The following PAK1 variants were observed in gnomAD, a reference collection of about 807,000 sequenced individuals.
PAK1 encodes serine/threonine-protein kinase PAK 1.
A neutral mutation model predicts 67.4 loss-of-function variants in PAK1; 29 were observed. The observed-to-expected ratio is 0.43, with a 90% CI of 0.32 to 0.59. PAK1 has a LOEUF of 0.59. PAK1 is among the 20% of genes least tolerant of loss of function. PAK1 has a pLI of 0.07. For missense variants in PAK1, 337 were observed against 670.7 expected (o/e 0.50, Z 5.50); for synonymous variants, 223 against 237.4 (o/e 0.94, Z 0.56).
rs1341392600 is a variant in PAK1 at position 77,327,303 on chromosome 11, G to A, written c.1552-3943C>T. Reference sequence around the variant, plus strand: ...AGAGAATGCCACAAAGATACTCCTCGAGAAGAGCAACTCCAAGACACATAA... The same window carrying A: ...AGAGAATGCCACAAAGATACTCCTCAAGAAGAGCAACTCCAAGACACATAA... On this transcript the variant is annotated intron_variant, in intron 14 of 14. Coordinates refer to ENST00000356341, the MANE Select transcript of PAK1 (RefSeq NM_002576.5). Among the ~76,000 whole-genome samples the A allele has an allele frequency of 1.4e-3, 215 of 152,100 alleles. 1 individual carries two copies. Among genetic ancestry groups the A allele is most frequent in the African/African-American group, 4.8e-3 (200 of 41,524 alleles).
At chr11:77,433,679 T>G (rs1955970766) in intron 1 of PAK1, among the ~76,000 whole-genome samples, 1 of 152,192 alleles carries the variant, frequency 6.6e-6, no homozygotes, top group Non-Finnish European at 1.5e-5. Context: ...CTGGAGAGGC[T>G]GAGGCAGGAG....
chr11:77,374,158 C>T (rs564724282), intron 5 of PAK1, among the ~76,000 whole-genome samples, 170 bp downstream of exon 5: 1 of 151,936 alleles, frequency 6.6e-6, no homozygotes, highest in East Asian at 1.9e-4. Flanking sequence ...AAAGGGATAC[C>T]CCCTATTTAT....
intron 1 of PAK1, among the ~76,000 whole-genome samples, chr11:77,414,436 TGGCATGTGGCCTA>T (rs1954838668): frequency 6.6e-6 from 1 of 152,258 alleles, no homozygotes; most frequent in Non-Finnish European, 1.5e-5. Context: ...TTGGTTGGTC[TGGCATGTGGCCTA>T]GGCAATATAT....
At chr11:77,465,017 T>C (rs1957533166) in intron 1 of PAK1, among the ~76,000 whole-genome samples, 1 of 148,360 alleles carries the variant, frequency 6.7e-6, no homozygotes, top group South Asian at 2.2e-4. Flanking sequence ...TGTGTGTCTG[T>C]GTGTGTGTCT....
intron 5 of PAK1, among the ~76,000 whole-genome samples, chr11:77,361,871 C>A (rs886507774): frequency 3.4e-4 from 51 of 152,200 alleles, no homozygotes; most frequent in African/African-American, 1.2e-3. Context: ...TATACCATCT[C>A]CACTGCCTTA....
chr11:77,453,236 C>T (rs771351888), intron 1 of PAK1, among the ~76,000 whole-genome samples: 71 of 152,234 alleles, frequency 4.7e-4, no homozygotes, highest in South Asian at 8.3e-4. Flanking sequence ...CGCCTATAGT[C>T]CCAGCTACTC....
At chr11:77,427,136 T>G (rs764867165) in intron 1 of PAK1, among the ~76,000 whole-genome samples, 7 of 152,174 alleles carry the variant, frequency 4.6e-5, no homozygotes, top group Non-Finnish European at 8.8e-5. Flanking sequence ...AAGTGCAGAC[T>G]GGTAAAGTCA....
chr11:77,490,457 G>C, the PAK1 span, among the ~76,000 whole-genome samples: 3 of 138,768 alleles, frequency 2.2e-5, no homozygotes, highest in African/African-American at 5.5e-5. Flanking sequence ...GGAGGGAGGT[G>C]GGGGGGTCAG....
At chr11:77,411,203 G>A (rs1954469073) in intron 1 of PAK1, among the ~76,000 whole-genome samples, 1 of 151,908 alleles carries the variant, frequency 6.6e-6, no homozygotes, top group Admixed American at 6.6e-5. Flanking sequence ...TGTTGAGGGG[G>A]ACATCTCTGC....
the PAK1 span, among the ~76,000 whole-genome samples, chr11:77,486,521 A>G: frequency 6.6e-6 from 1 of 152,206 alleles, no homozygotes; most frequent in Non-Finnish European, 1.5e-5. Context: ...CATATTACTT[A>G]AAGAGCACAT....
intron 5 of PAK1, among the ~76,000 whole-genome samples, chr11:77,362,909 A>T (rs1946998055): frequency 6.6e-6 from 1 of 152,216 alleles, no homozygotes; most frequent in Non-Finnish European, 1.5e-5. Context: ...CTATTAACTG[A>T]CTTAAACCAT....
At chr11:77,522,921 C>T in the PAK1 span, among the ~76,000 whole-genome samples, 1 of 152,186 alleles carries the variant, frequency 6.6e-6, no homozygotes, top group African/African-American at 2.4e-5. Flanking sequence ...TTCTCTGCAG[C>T]AGCACACATG....
the PAK1 span, among the ~76,000 whole-genome samples, chr11:77,499,996 C>G: frequency 6.6e-6 from 1 of 152,176 alleles, no homozygotes; most frequent in East Asian, 1.9e-4. Flanking sequence ...TGGAAGACCT[C>G]TGAACACACG....
chr11:77,525,642 T>C, the PAK1 span, among the ~76,000 whole-genome samples: 2 of 152,192 alleles, frequency 1.3e-5, no homozygotes, highest in Non-Finnish European at 2.9e-5. Context: ...TGGACCAGCA[T>C]AGTGAGATGA....
chr11:77,448,233 C>T (rs1437096838), intron 1 of PAK1, among the ~76,000 whole-genome samples: 1 of 152,158 alleles, frequency 6.6e-6, no homozygotes, highest in African/African-American at 2.4e-5. Flanking sequence ...AAAAATATGT[C>T]AGAGACCTGT....
chr11:77,460,959 A>G (rs1478740566), intron 1 of PAK1, among the ~76,000 whole-genome samples: 2 of 152,246 alleles, frequency 1.3e-5, no homozygotes, highest in East Asian at 3.8e-4. Flanking sequence ...AATTATTTCC[A>G]GAGATAGAAA....
the PAK1 span, among the ~76,000 whole-genome samples, chr11:77,520,281 G>A: frequency 3.3e-5 from 5 of 152,140 alleles, no homozygotes; most frequent in African/African-American, 9.7e-5. Context: ...CTGTGACGGG[G>A]CACTCTCTCA....
the PAK1 span, among the ~76,000 whole-genome samples, chr11:77,488,422 A>T: frequency 6.6e-6 from 1 of 152,198 alleles, no homozygotes; most frequent in Non-Finnish European, 1.5e-5. Flanking sequence ...ATCTATGAAA[A>T]CATGAGATCA....
At chr11:77,457,797 G>A (rs1171743762) in intron 1 of PAK1, among the ~76,000 whole-genome samples, 1 of 152,182 alleles carries the variant, frequency 6.6e-6, no homozygotes. Context: ...ACACTAGGCA[G>A]GAGCTGGGAA....
Sources: gnomAD v4.1 joint callset for allele counts (sites outside exome capture counted in the v4.1 genomes callset) on GRCh38, gnomAD v4.1.1 for gene constraint, MANE v1.5 for transcripts, NCBI Gene and HGNC (gene_info 2026-07-23, HGNC 2026-07-21) for gene names.